MECOM: variants seen among roughly 807,000 people sequenced by gnomAD.
MECOM encodes histone-lysine N-methyltransferase MECOM.
A neutral mutation model predicts 116.3 loss-of-function variants in MECOM; 13 were observed. The ratio of observed to expected loss-of-function variants is 0.11; its 90% confidence interval spans 0.07 to 0.18. MECOM has a LOEUF of 0.18. Ranked by LOEUF, MECOM falls within the 10% of genes least tolerant of loss-of-function variation. The pLI is 1.00. For synonymous variants in MECOM, 528 were observed against 535.2 expected (o/e 0.99, Z 0.19); for missense variants, 1,299 against 1,509.0 (o/e 0.86, Z 2.31).
Position 169,545,301 on chromosome 3 carries a change from C to T in MECOM, c.37+118035G>A, listed in dbSNP as rs148425452. 8.5e-5 allele frequency among the ~76,000 whole-genome samples: 13 copies of T among 152,276 alleles called. No individual in the cohort carries two copies. The East Asian group carries it at 2.3e-3, about 27-fold the overall frequency. ...CTTAGATTAGGGCTCTGTCTACATA[C>T]ACAAACTGAGCTGAAGTTTAAAAAC... On this transcript the variant is annotated intron_variant, in intron 1 of 16. Coordinates refer to ENST00000651503, the MANE Select transcript of MECOM (RefSeq NM_004991.4).
intron 2 of MECOM, among the ~76,000 whole-genome samples, chr3:169,350,859 T>C (rs1726205303): frequency 6.6e-6 from 1 of 151,784 alleles, no homozygotes; most frequent in East Asian, 1.9e-4. Context: ...GGGTCTTTCA[T>C]AATAAAACAA....
intron 2 of MECOM, among the ~76,000 whole-genome samples, chr3:169,224,927 C>T (rs930830050): frequency 2.6e-5 from 4 of 152,162 alleles, no homozygotes; most frequent in Admixed American, 6.5e-5. Context: ...GGGGCAAGTT[C>T]TTGGCAAAAT....
chr3:169,137,629 T>C (rs914891040), intron 3 of MECOM, among the ~76,000 whole-genome samples: 26 of 152,226 alleles, frequency 1.7e-4, no homozygotes, highest in African/African-American at 5.8e-4. Context: ...AAAGATCAAG[T>C]ACTGCCTTGC....
chr3:169,395,722 G>C (rs1734929702), intron 1 of MECOM, among the ~76,000 whole-genome samples: 1 of 152,154 alleles, frequency 6.6e-6, no homozygotes, highest in Non-Finnish European at 1.5e-5. Flanking sequence ...TCTTCAGGAA[G>C]AAGAACAGTA....
intron 2 of MECOM, among the ~76,000 whole-genome samples, chr3:169,246,149 A>C (rs1285655028): frequency 6.6e-6 from 1 of 152,226 alleles, no homozygotes; most frequent in Non-Finnish European, 1.5e-5. Context: ...GAACTACTAT[A>C]ATAATATTAT....
Position 169,373,021 on chromosome 3 carries a change from C to T in MECOM, c.375+8166G>A, listed in dbSNP as rs980192290. Among the ~76,000 whole-genome samples, 6 of 152,022 alleles carry T rather than the reference C, an allele frequency of 3.9e-5. No homozygotes were observed. In the South Asian group the frequency reaches 6.2e-4, roughly 16 times the overall value. ...AAAACCTCATCCTGAACCAACAGAACTCTAAAAAGTTATTTCTACTCAGTA... is the reference window on the plus strand; with the variant it reads ...AAAACCTCATCCTGAACCAACAGAATTCTAAAAAGTTATTTCTACTCAGTA... On this transcript the variant is annotated intron_variant, in intron 2 of 16. Transcript: ENST00000651503.
intron 13 of MECOM, 106 bp downstream of exon 13, chr3:169,094,969 AT>A: frequency 9.8e-7 from 1 of 1,021,216 alleles, no homozygotes; most frequent in Non-Finnish European, 1.3e-6. Context: ...ATAAGACCTG[AT>A]TTTGGCGTCA....
chr3:169,597,118 A>C (rs536466201), intron 1 of MECOM, among the ~76,000 whole-genome samples: 1 of 152,202 alleles, frequency 6.6e-6, no homozygotes, highest in Non-Finnish European at 1.5e-5. Flanking sequence ...CAATCTTATC[A>C]AAGTGTAAGA....
intron 1 of MECOM, among the ~76,000 whole-genome samples, chr3:169,398,952 T>G (rs1462148505): frequency 6.6e-6 from 1 of 152,198 alleles, no homozygotes; most frequent in Admixed American, 6.5e-5. Flanking sequence ...AGGTGTCATC[T>G]CATCTGTTAA....
intron 1 of MECOM, among the ~76,000 whole-genome samples, chr3:169,405,155 G>T (rs559581321): frequency 3.3e-5 from 5 of 152,102 alleles, no homozygotes; most frequent in Non-Finnish European, 5.9e-5. Flanking sequence ...ATGGTCAAAA[G>T]GGTTTTTTCT....
Position 169,445,916 on chromosome 3 carries a change from G to T in MECOM, c.38-64392C>A, listed in dbSNP as rs1217593020. On this transcript the variant is annotated intron_variant, in intron 1 of 16. Coordinates refer to ENST00000651503, the MANE Select transcript of MECOM (RefSeq NM_004991.4). ...CCCACTGGATTTTGGACTTGCATGG[G>T]CCCTGTAACCCCTTTGTTTTGGCCA... 2.6e-5 allele frequency among the ~76,000 whole-genome samples: 4 copies of T among 152,274 alleles called. No homozygotes were observed. The East Asian group carries it at 7.7e-4, about 29-fold the overall frequency.
At chr3:169,144,603 T>G (rs1336545797) in intron 2 of MECOM, among the ~76,000 whole-genome samples, 1 of 152,182 alleles carries the variant, frequency 6.6e-6, no homozygotes, top group African/African-American at 2.4e-5. Context: ...CATCTAAATG[T>G]TAATCATTAG....
chr3:169,300,591 G>A (rs1716523962), intron 2 of MECOM, among the ~76,000 whole-genome samples: 1 of 152,136 alleles, frequency 6.6e-6, no homozygotes, highest in South Asian at 2.1e-4. Flanking sequence ...GCACATGACA[G>A]CCCTTCAGAT....
intron 1 of MECOM, among the ~76,000 whole-genome samples, chr3:169,631,458 A>C (rs987011127): frequency 8.5e-5 from 13 of 152,138 alleles, no homozygotes; most frequent in Middle Eastern, 6.8e-3. Flanking sequence ...AATTTTTTTT[A>C]TTTTACTTTA....
At chr3:169,421,728 A>G (rs1464581690) in intron 1 of MECOM, among the ~76,000 whole-genome samples, 3 of 151,916 alleles carry the variant, frequency 2.0e-5, no homozygotes, top group Non-Finnish European at 4.4e-5. Flanking sequence ...CTTCATGTTT[A>G]CAATTCTTTT....
intron 12 of MECOM, among the ~76,000 whole-genome samples, chr3:169,097,809 T>A (rs1228851858): frequency 5.1e-5 from 1 of 19,794 alleles, no homozygotes; most frequent in Non-Finnish European, 1.1e-4. Flanking sequence ...TGAGACCTAC[T>A]GTCTATATAA....
intron 2 of MECOM, among the ~76,000 whole-genome samples, chr3:169,215,877 G>GC (rs1751364701): frequency 6.6e-6 from 1 of 152,162 alleles, no homozygotes; most frequent in East Asian, 1.9e-4. Flanking sequence ...CTGGCATTCC[G>GC]CCTCAGCTGG....
chr3:169,121,189 G>A lies in MECOM; in HGVS notation c.999C>T (p.Asn333=), dbSNP rs139272778. 3.1e-6 allele frequency: 5 copies of A among 1,611,040 alleles called. No homozygotes were observed. In the African/African-American group the frequency reaches 4.0e-5, roughly 13 times the overall value. ...NCAKVFTDPS[N]LQRHIRSQHV... ...GCTGAGAGCGAATGTGCCGCTGAAG[G>A]TTGCTAGGGTCCGTGAAAACCTGCT... The change falls in exon 7 of 17, where the codon AAC becomes AAT. Residue 333 remains asparagine, a synonymous_variant. Coordinates refer to ENST00000651503, the MANE Select transcript of MECOM (RefSeq NM_004991.4).
Position 169,131,457 on chromosome 3 carries a change from G to C in MECOM, c.585C>G (p.Pro195=), listed in dbSNP as rs770688527. The C allele has an allele frequency of 6.2e-7, 1 of 1,613,878 alleles. No individual in the cohort carries two copies. Among genetic ancestry groups the C allele is most frequent in the Admixed American group, 1.7e-5 (1 of 59,926 alleles). ...LLLFMKSEDY[P]HETMAPDIHE... is the part of the protein sequence containing the mutation. ...GGATATCCGGCGCCATAGTTTCATG[G>C]GGATAGTCTTCGCTCTTCATGAACA... Residue 195 remains proline, a synonymous_variant, in exon 4 of 17, where the codon CCC becomes CCG. Transcript: ENST00000651503.
Sources: allele counts gnomAD v4.1 joint callset (sites outside exome capture counted in the v4.1 genomes callset), GRCh38; gene constraint gnomAD v4.1.1; transcripts MANE v1.5; gene names NCBI Gene and HGNC (gene_info 2026-07-23, HGNC 2026-07-21).